Variants in TMEM94 observed in about 807,000 individuals in gnomAD.
TMEM94 encodes the protein ER Mg2+ ATPase.
A neutral mutation model predicts 158.6 loss-of-function variants in TMEM94; 81 were observed. That is an observed-to-expected ratio of 0.51 (90% confidence interval 0.43 to 0.61). The LOEUF (loss-of-function observed/expected upper bound fraction) is 0.61. Among genes scored for constraint, TMEM94 ranks in the 20% least tolerant of loss-of-function variants. TMEM94 has a pLI of 0.00. For synonymous variants in TMEM94, 751 were observed against 730.7 expected (o/e 1.03, Z -0.45); for missense variants, 1,435 against 1,762.0 (o/e 0.81, Z 3.32).
At position 75,495,620 on chromosome 17, in the gene TMEM94, T is replaced by C; in HGVS notation, c.2921T>C (p.Leu974Pro). The stretch of plus-strand genomic sequence containing the variant: ...GACAACGTGCCCCTGCTAGTGCCCC[T>C]TTTCACCGACTGCACCCCAGAGAGT... ...NIDNVPLLVP[L>P]FTDCTPETMC... The change falls in exon 22 of 32, where the codon CTT becomes CCT. Residue 974 changes from leucine (L) to proline (P), a missense_variant. Physicochemically the swap from Leu to Pro is moderately conservative, Grantham distance 98. Transcript: ENST00000314256. This position sits in a 1 kb window ranked among gnomAD's most constrained non-coding sequence, Gnocchi z 5.6. 2 of 1,613,518 alleles carry C rather than the reference T, an allele frequency of 1.2e-6. No homozygotes were observed. The highest frequency in any genetic ancestry group is 1.7e-6 in the Non-Finnish European group (2 of 1,179,990).
rs1200787121 is a variant in TMEM94, at chr17:75,495,085, C to T, written c.2728+51C>T. 3 of 1,592,960 alleles carry T rather than the reference C, an allele frequency of 1.9e-6. No homozygotes were observed. The Admixed American group carries it at 5.1e-5, about 27-fold the overall frequency. ...ACGGGGTGGCGGTGGGAGGATTCCC[C>T]TCCTCAGAGCCACAGCCAGGAAGAG... is the stretch of plus-strand genomic sequence containing the variant. On this transcript the variant is annotated intron_variant, in intron 20 of 31. Coordinates refer to ENST00000314256, the MANE Select transcript of TMEM94 (RefSeq NM_014738.6). The surrounding 1 kb of genome is among the most constrained non-coding windows in gnomAD (Gnocchi z 5.6).
intron 1 of TMEM94, among the ~76,000 whole-genome samples, chr17:75,459,402 G>C (rs924814257): frequency 4.6e-5 from 7 of 152,206 alleles, no homozygotes; most frequent in African/African-American, 1.7e-4. Flanking sequence ...GCCAGGCCTT[G>C]ACAGTGAAAT....
chr17:75,460,843 A>G (rs2067001075), intron 1 of TMEM94, among the ~76,000 whole-genome samples: 1 of 151,946 alleles, frequency 6.6e-6, no homozygotes, highest in Admixed American at 6.6e-5. Context: ...ATAGTATAAC[A>G]TTTTCCATTG....
chr17:75,471,878 C>T lies in TMEM94; in HGVS notation c.-28C>T. On this transcript the variant is annotated 5_prime_UTR_variant, in exon 2 of 32. Transcript: ENST00000314256. ...TCCTTTCAGGGGTGACCACATTCAT[C>T]TGGGCATGCCTGCAGTACTCTTGGC... 6.2e-7 allele frequency: 1 copy of T among 1,613,768 alleles called. No homozygotes were observed.
At chr17:75,488,215 C>G (rs2051794097) in intron 6 of TMEM94, 81 bp downstream of exon 6, 1 of 1,363,316 alleles carries the variant, frequency 7.3e-7, no homozygotes, top group East Asian at 2.3e-5. Flanking sequence ...CAGACTTCAT[C>G]CGGAAGCTTC....
chr17:75,462,011 G>GTTTTTTTTTTTTTT (rs1156728166), intron 1 of TMEM94, among the ~76,000 whole-genome samples: 4 of 92,884 alleles, frequency 4.3e-5, no homozygotes, highest in African/African-American at 2.0e-4. Context: ...GTTTTGTTTT[G>GTTTTTTTTTTTTTT]TTTTTTTTTT....
At chr17:75,479,152 A>C (rs2050952940) in intron 2 of TMEM94, among the ~76,000 whole-genome samples, 1 of 152,002 alleles carries the variant, frequency 6.6e-6, no homozygotes, top group Non-Finnish European at 1.5e-5. Context: ...CTTATGTCAC[A>C]TGTCAAAGCT....
At chr17:75,480,826 A>G (rs996469772) in intron 2 of TMEM94, among the ~76,000 whole-genome samples, 5 of 151,966 alleles carry the variant, frequency 3.3e-5, no homozygotes, top group African/African-American at 9.7e-5. Flanking sequence ...CCTTCCCCCT[A>G]TGCAGGCCAG....
chr17:75,497,917 T>C (rs565035257), intron 27 of TMEM94, 55 bp downstream of exon 27: 71 of 1,514,964 alleles, frequency 4.7e-5, no homozygotes, highest in African/African-American at 9.6e-5. Context: ...GGACTGAGGA[T>C]TGGGGGAGGA....
intron 16 of TMEM94, 48 bp downstream of exon 16, chr17:75,493,150 T>A (rs1414313877): frequency 2.5e-6 from 4 of 1,580,060 alleles, no homozygotes; most frequent in Non-Finnish European, 3.5e-6. Context: ...CTTCCAGAGC[T>A]TGGCAGGGGG....
intron 1 of TMEM94, among the ~76,000 whole-genome samples, chr17:75,464,620 TTTCCTTCC>T (rs1179175769): frequency 4.5e-4 from 40 of 89,462 alleles, no homozygotes; most frequent in Admixed American, 1.4e-3. Context: ...CCTTTCTTTC[TTTCCTTCC>T]TTCCTTCCTT....
At chr17:75,470,218 C>T (rs2050445879) in intron 1 of TMEM94, among the ~76,000 whole-genome samples, 1 of 151,990 alleles carries the variant, frequency 6.6e-6, no homozygotes, top group Admixed American at 6.6e-5. Flanking sequence ...GCCTGTAGTC[C>T]CAGAACTTTT....
At position 75,487,084 on chromosome 17, in the gene TMEM94, C is replaced by A. The variant is rs200196981; in HGVS notation, c.409+658C>A. ...TAGATGCTAAGTGAGTTTGTCCTTT[C>A]GTTCTGAGATGGTTAATTGCCACCA... is the stretch of plus-strand genomic sequence containing the variant. On this transcript the variant is annotated intron_variant, in intron 5 of 31. Coordinates refer to ENST00000314256, the MANE Select transcript of TMEM94 (RefSeq NM_014738.6). The surrounding 1 kb of genome is among the most constrained non-coding windows in gnomAD (Gnocchi z 4.6). Among the ~76,000 whole-genome samples, 2 of 152,254 alleles carry A rather than the reference C, an allele frequency of 1.3e-5. No homozygotes were observed. Among genetic ancestry groups the A allele is most frequent in the East Asian group, 3.9e-4 (2 of 5,178 alleles).
At chr17:75,471,413 C>T (rs977196649) in intron 1 of TMEM94, among the ~76,000 whole-genome samples, 4 of 152,038 alleles carry the variant, frequency 2.6e-5, no homozygotes. Flanking sequence ...CTGACTCTGT[C>T]TGATGGTCAG....
rs912999458 is a variant in TMEM94, at chr17:75,498,688, A to G, written c.3793A>G (p.Thr1265Ala). Residue 1265 changes from threonine (T) to alanine (A), a missense_variant, in exon 30 of 32, where the codon ACC becomes GCC. Transcript: ENST00000314256. This position sits in a 1 kb window ranked among gnomAD's most constrained non-coding sequence, Gnocchi z 6.7. ...GCCCCTGTGGAGAAAGAGCCCCTTG[A>G]CCAACCTCTGGTGGGCCGTGACAGT... is the stretch of plus-strand genomic sequence containing the variant. ...TKPLWRKSPL[T>A]NLWWAVTVPV... is the part of the protein sequence containing the mutation. 11 of 1,586,518 alleles carry G rather than the reference A, an allele frequency of 6.9e-6. No homozygotes were observed. The Admixed American group carries it at 1.6e-4, about 23-fold the overall frequency.
At position 75,489,295 on chromosome 17, in the gene TMEM94, C is replaced by T. The variant is rs924960993; in HGVS notation, c.794C>T (p.Pro265Leu). The T allele has an allele frequency of 1.9e-6, 3 of 1,614,100 alleles. No individual in the cohort carries two copies. The highest frequency in any genetic ancestry group is 1.7e-5 in the Admixed American group (1 of 60,006). ...RWCLDMALSR[P>L]VTALDNERFT... The stretch of plus-strand genomic sequence containing the variant: ...TGCCTGGACATGGCCCTGTCCCGAC[C>T]AGTCACTGCCCTGGACAATGAGCGG... Residue 265 changes from proline (P) to leucine (L), a missense_variant, in exon 8 of 32, where the codon CCA (proline) becomes CTA (leucine). Physicochemically the swap from Pro to Leu is moderately conservative, Grantham distance 98. Coordinates refer to ENST00000314256, the MANE Select transcript of TMEM94 (RefSeq NM_014738.6). The surrounding 1 kb of genome is among the most constrained non-coding windows in gnomAD (Gnocchi z 5.0).
rs2052924857 is a variant in TMEM94 at position 75,498,187 on chromosome 17, T to G, written c.3502T>G (p.Phe1168Val). 6.2e-7 allele frequency: 1 copy of G among 1,613,938 alleles called. No homozygotes were observed. Among genetic ancestry groups the G allele is most frequent in the Non-Finnish European group, 8.5e-7 (1 of 1,180,008 alleles). Residue 1168 changes from phenylalanine to valine, a missense_variant, in exon 28 of 32, where the codon TTC (phenylalanine) becomes GTC (valine). Physicochemically the swap from Phe to Val is conservative, Grantham distance 50. This residue lies in a region of TMEM94 where 335 missense variants were observed against 409.1 expected (regional missense o/e 0.82). Coordinates refer to ENST00000314256, the MANE Select transcript of TMEM94 (RefSeq NM_014738.6). The surrounding 1 kb of genome is among the most constrained non-coding windows in gnomAD (Gnocchi z 6.7). ...QSIPKKTQHY[F>V]LLCFLLKFSL... ...CTTGTTCCCGCAGACCCAGCACTAC[T>G]TCCTGCTCTGCTTCCTGCTCAAGTT...
intron 2 of TMEM94, among the ~76,000 whole-genome samples, chr17:75,477,175 G>A (rs7503613): frequency 0.89 from 135,081 of 152,128 alleles, 60,790 homozygotes; most frequent in African/African-American, 0.97. Context: ...CTAGGTCCTG[G>A]TGGCTACAGG....
At position 75,491,171 on chromosome 17, in the gene TMEM94, G is replaced by A. The variant is rs765266002; in HGVS notation, c.1233+18G>A. ...CTGTCACGGTGAGGGTGGGCCTTGC[G>A]GGGAGGAGGCAACTGTCATGCCCGC... On this transcript the variant is annotated intron_variant, in intron 12 of 31. Transcript: ENST00000314256. This position sits in a 1 kb window ranked among gnomAD's most constrained non-coding sequence, Gnocchi z 5.1. 1.1e-5 allele frequency: 18 copies of A among 1,599,568 alleles called. No individual in the cohort carries two copies. The highest frequency in any genetic ancestry group is 3.4e-5 in the Admixed American group (2 of 59,170).
Sources: allele counts gnomAD v4.1 joint callset (sites outside exome capture counted in the v4.1 genomes callset), GRCh38; gene constraint gnomAD v4.1.1; regional missense constraint gnomAD v4.1.1; non-coding constraint Gnocchi (gnomAD v3.1); transcripts MANE v1.5; gene names NCBI Gene and HGNC (gene_info 2026-07-23, HGNC 2026-07-21).